The following FRMD4B variants were observed in gnomAD, a reference collection of about 807,000 sequenced individuals.
The protein encoded by FRMD4B is FERM domain containing 4B, also known as FERM domain-containing protein 4B.
Under a neutral mutation model 141.5 loss-of-function variants are expected in FRMD4B, and 74 were observed. The ratio of observed to expected loss-of-function variants is 0.52; its 90% CI spans 0.43 to 0.63. The LOEUF (loss-of-function observed/expected upper bound fraction) is 0.63. FRMD4B is among the 30% of genes least tolerant of loss of function. The pLI, the probability that FRMD4B is intolerant of heterozygous loss-of-function variation, is 0.00. For missense variants in FRMD4B, 1,366 were observed against 1,253.4 expected, an observed-to-expected ratio of 1.09 and a Z score of -1.36; for synonymous variants, 506 against 467.9, an observed-to-expected ratio of 1.08 and a Z score of -1.05.
intron 2 of FRMD4B, among the ~76,000 whole-genome samples, chr3:69,425,191 G>A (rs996767038): frequency 6.6e-6 from 1 of 152,096 alleles, no homozygotes; most frequent in Non-Finnish European, 1.5e-5. Context: ...GTGTATTAGC[G>A]TCACCTCCTT....
intron 1 of FRMD4B, among the ~76,000 whole-genome samples, chr3:69,459,603 C>T (rs773594714): frequency 2.0e-5 from 3 of 152,234 alleles, no homozygotes; most frequent in African/African-American, 4.8e-5. Flanking sequence ...TGGAACCAGA[C>T]TGCATATATT....
rs150830785 is a variant in FRMD4B at position 69,233,687 on chromosome 3, A to G, written c.582-8997T>C. ...AGCTTACATAACATGAGAAATTAAA[A>G]GATCATGACAGGGGCCTCCCAGGAT... On this transcript the variant is annotated intron_variant, in intron 7 of 22. Transcript: ENST00000398540. Among the ~76,000 whole-genome samples the G allele has an allele frequency of 1.9e-3, 283 of 152,312 alleles. 2 individuals carry two copies. The highest frequency in any genetic ancestry group is 6.1e-3 in the African/African-American group (253 of 41,568).
At chr3:69,293,260 G>A (rs531076254) in intron 4 of FRMD4B, among the ~76,000 whole-genome samples, 59 of 152,062 alleles carry the variant, frequency 3.9e-4, no homozygotes, top group Admixed American at 2.0e-3. Flanking sequence ...CAATATTTTC[G>A]TCTTGTGGTA....
In FRMD4B at chr3:69,255,956, G is replaced by A. The variant is rs1358535704; in HGVS notation, c.502-5857C>T. On this transcript the variant is annotated intron_variant, in intron 5 of 22. Coordinates refer to ENST00000398540, the MANE Select transcript of FRMD4B (RefSeq NM_015123.3). ...TTGACAAGAATGATACTCAAGCAGG[G>A]TGCTCTGGCTTGCACCTGTAGTCCC... Among the ~76,000 whole-genome samples, 10 of 152,118 alleles carry A rather than the reference G, an allele frequency of 6.6e-5. No homozygotes were observed. The South Asian group carries it at 1.9e-3, about 28-fold the overall frequency.
intron 5 of FRMD4B, among the ~76,000 whole-genome samples, chr3:69,252,064 C>G (rs982732666): frequency 6.6e-6 from 1 of 152,120 alleles, no homozygotes; most frequent in Non-Finnish European, 1.5e-5. Context: ...AAATTACTGC[C>G]AACTCCTCTG....
intron 9 of FRMD4B, 42 bp from the exon 10 acceptor site, chr3:69,218,421 T>A: frequency 1.1e-6 from 1 of 904,132 alleles, no homozygotes; most frequent in Non-Finnish European, 1.7e-6. Flanking sequence ...TTAAAATAGT[T>A]AGAGGACCCT....
intron 5 of FRMD4B, among the ~76,000 whole-genome samples, chr3:69,280,496 T>C (rs1453574851): frequency 6.6e-6 from 1 of 152,136 alleles, no homozygotes; most frequent in East Asian, 1.9e-4. Flanking sequence ...TGGCCCCTAA[T>C]GTACAGAAGC....
chr3:69,175,731 CG>C (rs2092636973), intron 22 of FRMD4B, among the ~76,000 whole-genome samples: 1 of 150,172 alleles, frequency 6.7e-6, no homozygotes, highest in African/African-American at 2.4e-5. Flanking sequence ...GAACAGAATG[CG>C]TTAGATGAGG....
At chr3:69,421,482 C>A (rs1172471577) in intron 2 of FRMD4B, among the ~76,000 whole-genome samples, 1 of 152,098 alleles carries the variant, frequency 6.6e-6, no homozygotes. Flanking sequence ...CCCAGTGTCT[C>A]CAGATGCTCC....
intron 1 of FRMD4B, among the ~76,000 whole-genome samples, chr3:69,358,240 C>G (rs1703380581): frequency 6.6e-6 from 1 of 152,196 alleles, no homozygotes; most frequent in Non-Finnish European, 1.5e-5. Flanking sequence ...TATTGGATGT[C>G]AGAGCTGGGT....
At chr3:69,435,285 T>C (rs1705242913) in intron 1 of FRMD4B, among the ~76,000 whole-genome samples, 1 of 151,940 alleles carries the variant, frequency 6.6e-6, no homozygotes. Context: ...TTCAGTGTCA[T>C]TCATGAAGAG....
chr3:69,280,964 C>G (rs2093642064), intron 5 of FRMD4B, among the ~76,000 whole-genome samples: 5 of 151,358 alleles, frequency 3.3e-5, no homozygotes, highest in Admixed American at 2.6e-4. Flanking sequence ...GAGTTTCACT[C>G]TTGTTGCCCA....
At chr3:69,200,852 G>A (rs1158283731) in intron 11 of FRMD4B, 1 of 466,038 alleles carries the variant, frequency 2.1e-6, no homozygotes, top group African/African-American at 2.0e-5. Flanking sequence ...TTACAATGCA[G>A]CTCAGCTGTG....
At chr3:69,231,328 C>A (rs755659285) in intron 7 of FRMD4B, among the ~76,000 whole-genome samples, 7 of 152,126 alleles carry the variant, frequency 4.6e-5, no homozygotes, top group African/African-American at 1.7e-4. Context: ...GACTCTGTCA[C>A]CCAGGCTGGA....
chr3:69,456,732 GTA>G (rs1491229816), intron 1 of FRMD4B, among the ~76,000 whole-genome samples: 17 of 120,592 alleles, frequency 1.4e-4, no homozygotes, highest in African/African-American at 5.3e-4. Context: ...TTCCATTTTT[GTA>G]AAAAAAAAAA....
chr3:69,376,197 A>G (rs1366691749), intron 1 of FRMD4B, among the ~76,000 whole-genome samples: 1 of 152,188 alleles, frequency 6.6e-6, no homozygotes, highest in Non-Finnish European at 1.5e-5. Context: ...GGGAGTGGGA[A>G]GAGGTACAAA....
chr3:69,498,304 T>C (rs965318165), intron 1 of FRMD4B, among the ~76,000 whole-genome samples: 3 of 152,206 alleles, frequency 2.0e-5, no homozygotes, highest in Non-Finnish European at 2.9e-5. Context: ...ATTGAACTTA[T>C]CATTTAATAT....
At chr3:69,186,852 T>C (rs1484422613) in intron 19 of FRMD4B, among the ~76,000 whole-genome samples, 2 of 152,200 alleles carry the variant, frequency 1.3e-5, no homozygotes, top group Admixed American at 6.5e-5. Flanking sequence ...GTTTGAAAAT[T>C]TCTTTTTAGG....
chr3:69,281,982 T>G (rs1044111869), intron 5 of FRMD4B, among the ~76,000 whole-genome samples: 5 of 152,070 alleles, frequency 3.3e-5, no homozygotes, highest in Admixed American at 3.3e-4. Flanking sequence ...AATGGCTTAT[T>G]CTCTATGCCG....
Sources: gnomAD v4.1 joint callset for allele counts (sites outside exome capture counted in the v4.1 genomes callset) on GRCh38, gnomAD v4.1.1 for gene constraint, MANE v1.5 for transcripts, NCBI Gene and HGNC (gene_info 2026-07-23, HGNC 2026-07-21) for gene names.